The following PTPRM variants were observed in gnomAD, a reference collection of about 807,000 sequenced individuals.
The protein encoded by PTPRM is protein tyrosine phosphatase receptor type M, also known as receptor-type tyrosine-protein phosphatase mu.
A neutral mutation model predicts 186.7 loss-of-function variants in PTPRM; 47 were observed. The ratio of observed to expected loss-of-function variants is 0.25; its 90% confidence interval spans 0.20 to 0.32. The LOEUF (loss-of-function observed/expected upper bound fraction) is 0.32, where lower values mean the gene tolerates loss of function less well. Ranked by LOEUF, PTPRM falls within the 10% of genes least tolerant of loss-of-function variation. The probability of loss-of-function intolerance (pLI) is 1.00; values close to 1 mark genes in which losing one functional copy is unlikely to be tolerated. For synonymous variants in PTPRM, 668 were observed against 674.9 expected (o/e 0.99, Z 0.16); for missense variants, 1,494 against 1,865.0 (o/e 0.80, Z 3.66).
chr18:8,406,387 C>T lies in PTPRM; in HGVS notation c.*225C>T, dbSNP rs867614063. The T allele has an allele frequency of 2.6e-5, 14 of 537,920 alleles. No individual in the cohort carries two copies. The highest frequency in any genetic ancestry group is 4.4e-4 in the Middle Eastern group (1 of 2,278). The allele number at this position is 537,920 out of a possible 1,614,324, so 33.3% of individuals were successfully genotyped here. A position where few individuals can be genotyped will look rare whatever the true frequency, so the allele number is the denominator to read the frequency against. On this transcript the variant is annotated 3_prime_UTR_variant, in exon 33 of 33. Coordinates refer to ENST00000580170, the MANE Select transcript of PTPRM (RefSeq NM_001105244.2). The stretch of plus-strand genomic sequence containing the variant: ...ACACACAGCCACAGTTGCCAAATCC[C>T]GTACTCCTTGCCACCGGCTTCCTAG...
At chr18:8,384,765 T>C in intron 30 of PTPRM, 79 bp downstream of exon 30, 3 of 1,551,222 alleles carry the variant, frequency 1.9e-6, no homozygotes, top group South Asian at 2.3e-5. Context: ...GCACTCACTC[T>C]ATGTCAGTCA....
intron 7 of PTPRM, among the ~76,000 whole-genome samples, chr18:7,985,040 T>C (rs1385818578): frequency 7.9e-6 from 1 of 126,540 alleles, no homozygotes. Flanking sequence ...TATAAATATA[T>C]ACATATAATT....
At chr18:7,657,453 AAC>A (rs1281169396) in intron 1 of PTPRM, among the ~76,000 whole-genome samples, 8 of 152,328 alleles carry the variant, frequency 5.3e-5, no homozygotes, top group African/African-American at 1.9e-4. Context: ...GGTGCCATTT[AAC>A]AGTTTCTTCC....
At chr18:8,218,031 G>A (rs2094110566) in intron 14 of PTPRM, among the ~76,000 whole-genome samples, 1 of 152,144 alleles carries the variant, frequency 6.6e-6, no homozygotes. Context: ...TTCCCACATA[G>A]AGAGCAACAA....
chr18:7,994,361 C>T (rs964183946), intron 7 of PTPRM, among the ~76,000 whole-genome samples: 2 of 151,762 alleles, frequency 1.3e-5, no homozygotes, highest in South Asian at 2.1e-4. Context: ...AGATAGACTC[C>T]GTTACAATAA....
intron 13 of PTPRM, among the ~76,000 whole-genome samples, chr18:8,140,411 C>A (rs1334004944): frequency 6.8e-6 from 1 of 147,898 alleles, no homozygotes; most frequent in Non-Finnish European, 1.5e-5. Context: ...CTAAATACTG[C>A]ATTGGTTAAT....
intron 6 of PTPRM, among the ~76,000 whole-genome samples, chr18:7,954,766 C>CA (rs2053203171): frequency 1.3e-5 from 2 of 152,132 alleles, no homozygotes; most frequent in Non-Finnish European, 2.9e-5. Context: ...TATCCTAAAA[C>CA]AGGCATCACT....
chr18:8,072,317 T>C (rs1268601329), intron 8 of PTPRM, among the ~76,000 whole-genome samples: 1 of 152,322 alleles, frequency 6.6e-6, no homozygotes, highest in African/African-American at 2.4e-5. Flanking sequence ...GGGTTTCAAA[T>C]TGAGAACTGT....
At chr18:8,007,160 G>A (rs1002732426) in intron 7 of PTPRM, among the ~76,000 whole-genome samples, 1 of 152,124 alleles carries the variant, frequency 6.6e-6, no homozygotes, top group Admixed American at 6.5e-5. Flanking sequence ...AAGTGCCAGT[G>A]GTTTTTATGA....
chr18:8,235,685 T>C (rs2094338098), intron 14 of PTPRM, among the ~76,000 whole-genome samples: 1 of 152,118 alleles, frequency 6.6e-6, no homozygotes, highest in Non-Finnish European at 1.5e-5. Flanking sequence ...TAGATGTTTC[T>C]TTTTGTCTAA....
chr18:8,322,971 C>T (rs1568745406), intron 22 of PTPRM, among the ~76,000 whole-genome samples: 1 of 152,072 alleles, frequency 6.6e-6, no homozygotes, highest in Non-Finnish European at 1.5e-5. Flanking sequence ...AGTTGCACAC[C>T]ATGCCTGACT....
intron 23 of PTPRM, among the ~76,000 whole-genome samples, chr18:8,346,100 G>A (rs1417857380): frequency 6.6e-6 from 1 of 152,326 alleles, no homozygotes; most frequent in Non-Finnish European, 1.5e-5. Flanking sequence ...GCCAGCATGG[G>A]AGTGCAGGTG....
intron 7 of PTPRM, among the ~76,000 whole-genome samples, chr18:7,999,459 C>A (rs1356041858): frequency 6.6e-6 from 1 of 151,866 alleles, no homozygotes; most frequent in Non-Finnish European, 1.5e-5. Context: ...GGGGTGAGTC[C>A]TTTGAGAAAG....
chr18:8,387,572 T>A (rs2095784741), intron 31 of PTPRM, among the ~76,000 whole-genome samples: 1 of 151,434 alleles, frequency 6.6e-6, no homozygotes, highest in Non-Finnish European at 1.5e-5. Flanking sequence ...GAGCTGGGTC[T>A]TCAACTGTTG....
chr18:8,187,527 G>A (rs73391914), intron 14 of PTPRM, among the ~76,000 whole-genome samples: 5,056 of 152,278 alleles, frequency 0.033, 291 homozygotes, highest in African/African-American at 0.12. Context: ...CCTCTATTGT[G>A]TTTTAAGTAA....
At chr18:8,293,035 G>A (rs571859048) in intron 19 of PTPRM, among the ~76,000 whole-genome samples, 1 of 152,290 alleles carries the variant, frequency 6.6e-6, no homozygotes, top group African/African-American at 2.4e-5. Flanking sequence ...TCCCTCAGCT[G>A]TAAGGGACAG....
intron 2 of PTPRM, among the ~76,000 whole-genome samples, chr18:7,878,735 G>C (rs1391837232): frequency 6.6e-6 from 1 of 152,050 alleles, no homozygotes; most frequent in Non-Finnish European, 1.5e-5. Flanking sequence ...AGTAGCATAG[G>C]CTTTTTTTTC....
chr18:8,042,112 G>T (rs986308878), intron 7 of PTPRM, among the ~76,000 whole-genome samples: 1 of 152,140 alleles, frequency 6.6e-6, no homozygotes, highest in Non-Finnish European at 1.5e-5. Context: ...TATTTAAGAT[G>T]ATTTTGATTG....
At chr18:8,067,325 G>A (rs186127047) in intron 7 of PTPRM, among the ~76,000 whole-genome samples, 27 of 152,134 alleles carry the variant, frequency 1.8e-4, no homozygotes, top group East Asian at 9.7e-4. Context: ...AGACATTTCC[G>A]TTAAGTTGTA....
Sources: gnomAD v4.1 joint callset for allele counts (sites outside exome capture counted in the v4.1 genomes callset) on GRCh38, gnomAD v4.1.1 for gene constraint, MANE v1.5 for transcripts, NCBI Gene and HGNC (gene_info 2026-07-23, HGNC 2026-07-21) for gene names.